NSD1: variants seen among roughly 807,000 people sequenced by gnomAD.
NSD1 encodes the protein histone-lysine N-methyltransferase, H3 lysine-36 specific.
A neutral mutation model predicts 242.7 loss-of-function variants in NSD1; 26 were observed. The ratio of observed to expected loss-of-function variants is 0.11; its 90% CI spans 0.08 to 0.15. The LOEUF (loss-of-function observed/expected upper bound fraction) is 0.15, where lower values mean the gene tolerates loss of function less well. Ranked by LOEUF, NSD1 falls within the 10% of genes least tolerant of loss-of-function variation. The pLI, the probability that NSD1 is intolerant of heterozygous loss-of-function variation, is 1.00. For synonymous variants in NSD1, 1,106 were observed against 1,178.1 expected, an observed-to-expected ratio of 0.94 and a Z score of 1.25; for missense variants, 2,495 against 3,272.8, an observed-to-expected ratio of 0.76 and a Z score of 5.80.
intron 2 of NSD1, among the ~76,000 whole-genome samples, chr5:177,191,026 G>A (rs921247323): frequency 3.7e-5 from 5 of 135,852 alleles, no homozygotes; most frequent in East Asian, 2.3e-4. Flanking sequence ...GCTAAAGTAC[G>A]GTGGCTCTTG....
intron 17 of NSD1, among the ~76,000 whole-genome samples, chr5:177,277,805 A>G (rs902640292): frequency 6.6e-6 from 1 of 152,180 alleles, no homozygotes; most frequent in African/African-American, 2.4e-5. Flanking sequence ...TGATTGCACT[A>G]CTGCACTCCA....
intron 8 of NSD1, among the ~76,000 whole-genome samples, chr5:177,241,309 C>A (rs1254474714): frequency 6.7e-6 from 1 of 148,482 alleles, no homozygotes; most frequent in Non-Finnish European, 1.5e-5. Context: ...CCAGCCTGGC[C>A]AACATGGTGA....
intron 14 of NSD1, chr5:177,265,752 G>A (rs909359260): frequency 6.6e-7 from 1 of 1,521,190 alleles, no homozygotes; most frequent in African/African-American, 1.4e-5. Context: ...TGCTTCCAGT[G>A]CGTGTACAGG....
rs545197514 is a variant in NSD1, at chr5:177,280,561, C to T, written c.5623-4C>T. On this transcript the variant is annotated splice_polypyrimidine_tract_variant and splice_region_variant and intron_variant, in intron 17 of 22. Transcript: ENST00000439151. ...ATGCGGTGTACTTTGTGTTACTTTT[C>T]CAGGTAAACCGTCCTATTGGCAGGG... is the stretch of plus-strand genomic sequence containing the variant. 5.3e-5 allele frequency: 86 copies of T among 1,614,168 alleles called. 4 individuals carry two copies. In the South Asian group the frequency reaches 9.2e-4, roughly 17 times the overall value.
At chr5:177,139,363 T>G (rs1411818108) in intron 2 of NSD1, among the ~76,000 whole-genome samples, 1 of 151,442 alleles carries the variant, frequency 6.6e-6, no homozygotes, top group Non-Finnish European at 1.5e-5. Flanking sequence ...GGAGAATCAC[T>G]TGAACCCGGG....
intron 12 of NSD1, among the ~76,000 whole-genome samples, chr5:177,252,536 GTTCTTTTTTTTTT>G (rs1756063139): frequency 1.0e-5 from 1 of 98,996 alleles, no homozygotes; most frequent in African/African-American, 4.3e-5. Flanking sequence ...AAAGTAAAGT[GTTCTTTTTTTTTT>G]TTTTTTTTTT....
chr5:177,225,290 G>A (rs369405280), intron 5 of NSD1, among the ~76,000 whole-genome samples: 126 of 151,986 alleles, frequency 8.3e-4, no homozygotes, highest in African/African-American at 2.7e-3. Flanking sequence ...TTACAGGCAC[G>A]TGCCACCACA....
chr5:177,232,147 C>T (rs1194215939), intron 5 of NSD1, among the ~76,000 whole-genome samples: 5 of 152,182 alleles, frequency 3.3e-5, no homozygotes, highest in Non-Finnish European at 7.3e-5. Context: ...CATCTGCTCA[C>T]CTTGGCCTCC....
At position 177,212,096 on chromosome 5, in the gene NSD1, C is replaced by T. The variant is rs771467409; in HGVS notation, c.3697C>T (p.Arg1233Trp). Residue 1233 changes from arginine (R) to tryptophan (W), a missense_variant, in exon 5 of 23, where the codon CGG becomes TGG. Arg to Trp is a moderately radical substitution (Grantham distance 101). Around this residue, in one of 19 missense-constraint regions of NSD1, gnomAD observed 426 missense variants for 411.4 expected, o/e 1.04. Coordinates refer to ENST00000439151, the MANE Select transcript of NSD1 (RefSeq NM_022455.5). ...HADCLDSAGP[R>W]LNVCDKSSAS... Reference sequence around the variant, plus strand: ...TGACTGCTTAGATTCAGCTGGGCCACGGTTAAATGTTTGTGATAAATCCAG... The same window carrying T: ...TGACTGCTTAGATTCAGCTGGGCCATGGTTAAATGTTTGTGATAAATCCAG... 5.6e-6 allele frequency: 9 copies of T among 1,613,758 alleles called. No homozygotes were observed. Among genetic ancestry groups the T allele is most frequent in the African/African-American group, 2.7e-5 (2 of 74,816 alleles).
intron 3 of NSD1, among the ~76,000 whole-genome samples, chr5:177,192,943 T>A (rs1761818376): frequency 6.6e-6 from 1 of 152,260 alleles, no homozygotes; most frequent in South Asian, 2.1e-4. Context: ...TCTACTTTAA[T>A]CAGGTTTGTA....
At chr5:177,136,953 G>A in intron 2 of NSD1, 1 of 698,862 alleles carries the variant, frequency 1.4e-6, no homozygotes, top group South Asian at 1.5e-5. Context: ...TAGAACTACA[G>A]TAGTTTCAGA....
chr5:177,154,253 A>G (rs531325191), intron 2 of NSD1, among the ~76,000 whole-genome samples: 1 of 152,160 alleles, frequency 6.6e-6, no homozygotes, highest in African/African-American at 2.4e-5. Context: ...TATGATGTGT[A>G]TTCTATTGGC....
At chr5:177,181,430 T>G (rs866682552) in intron 2 of NSD1, among the ~76,000 whole-genome samples, 1 of 142,114 alleles carries the variant, frequency 7.0e-6, no homozygotes, top group Non-Finnish European at 1.5e-5. Flanking sequence ...TTTTTTGGTT[T>G]TTTTTTTTTT....
Position 177,211,901 on chromosome 5 carries a change from A to C in NSD1, c.3502A>C (p.Thr1168Pro). Reference sequence around the variant, plus strand: ...GTGGCAGCGTTTAAACCAAAGGCGCACTAAACCTCGTAAGCGCATGAACAG... The same window carrying C: ...GTGGCAGCGTTTAAACCAAAGGCGCCCTAAACCTCGTAAGCGCATGAACAG... ...KRWQRLNQRR[T>P]KPRKRMNRFK... The change falls in exon 5 of 23, where the codon ACT becomes CCT. Residue 1168 changes from threonine (T) to proline (P), a missense_variant. By Grantham distance (38) the Thr-to-Pro change is conservative (BLOSUM62 -1). Around this residue, in one of 19 missense-constraint regions of NSD1, gnomAD observed 426 missense variants for 411.4 expected, o/e 1.04. Transcript: ENST00000439151. The C allele has an allele frequency of 6.2e-7, 1 of 1,609,644 alleles. No homozygotes were observed. The highest frequency in any genetic ancestry group is 8.5e-7 in the Non-Finnish European group (1 of 1,177,846).
Position 177,238,559 on chromosome 5 carries a change from A to C in NSD1, c.4192+52A>C. On this transcript the variant is annotated intron_variant, in intron 7 of 22. Transcript: ENST00000439151. The surrounding 1 kb of genome is among the most constrained non-coding windows in gnomAD (Gnocchi z 4.6). ...TTGAGCAGATATGATTAGAGGAAGC[A>C]GGAGATTTTAGTATGTTTTGATGTA... 1 of 1,592,014 alleles carries C rather than the reference A, an allele frequency of 6.3e-7. No homozygotes were observed. The highest frequency in any genetic ancestry group is 8.6e-7 in the Non-Finnish European group (1 of 1,169,458).
At chr5:177,282,040 C>T (rs1758934710) in intron 18 of NSD1, among the ~76,000 whole-genome samples, 1 of 152,138 alleles carries the variant, frequency 6.6e-6, no homozygotes, top group African/African-American at 2.4e-5. Flanking sequence ...GTGTGAAAAG[C>T]CAGAGTGACT....
intron 8 of NSD1, among the ~76,000 whole-genome samples, chr5:177,242,890 A>G (rs1422508596): frequency 6.6e-6 from 1 of 152,188 alleles, no homozygotes; most frequent in African/African-American, 2.4e-5. Flanking sequence ...AGTTATGATG[A>G]AGAATATCAT....
At chr5:177,236,025 A>G in intron 6 of NSD1, 80 bp downstream of exon 6, 1 of 1,469,052 alleles carries the variant, frequency 6.8e-7, no homozygotes. Context: ...CTTTATCTTC[A>G]TGAAACAATA....
At chr5:177,144,350 G>A (rs1273330731) in intron 2 of NSD1, among the ~76,000 whole-genome samples, 1 of 150,846 alleles carries the variant, frequency 6.6e-6, no homozygotes. Flanking sequence ...TTGGGATTAC[G>A]GGAATGAGCC....
Sources: gnomAD v4.1 joint callset for allele counts (sites outside exome capture counted in the v4.1 genomes callset) on GRCh38, gnomAD v4.1.1 for gene constraint, gnomAD v4.1.1 regional missense constraint, Gnocchi (gnomAD v3.1) non-coding constraint, MANE v1.5 for transcripts, NCBI Gene and HGNC (gene_info 2026-07-23, HGNC 2026-07-21) for gene names.